EMC3: variants seen among roughly 807,000 people sequenced by gnomAD.
EMC3 encodes ER membrane protein complex subunit 3, also known as 30 kDa protein.
In EMC3, 13 loss-of-function variants were observed where a neutral mutation model predicts 36.6. That is an observed-to-expected ratio of 0.35 (90% confidence interval 0.23 to 0.56). The LOEUF is 0.56. Ranked by LOEUF, EMC3 falls within the 20% of genes least tolerant of loss-of-function variation. The probability of loss-of-function intolerance (pLI) is 0.84; values close to 1 mark genes in which losing one functional copy is unlikely to be tolerated. For synonymous variants in EMC3, 120 were observed against 111.9 expected, an observed-to-expected ratio of 1.07 and a Z score of -0.46; for missense variants, 220 against 324.5, an observed-to-expected ratio of 0.68 and a Z score of 2.47.
chr3:9,964,162 C>T lies in EMC3; in HGVS notation c.693G>A (p.Gln231=). Residue 231 remains glutamine (Q), a synonymous_variant, in exon 8 of 8, where the codon CAG becomes CAA. Transcript: ENST00000245046. ...CTTCTTCGACATCATCTAGTGCCCA[C>T]TGGTGATCCGTCAGCTCCAAAGCTT... is the stretch of plus-strand genomic sequence containing the variant. ...EWEALELTDH[Q]WALDDVEEEL... 6.2e-7 allele frequency: 1 copy of T among 1,614,204 alleles called. No individual in the cohort carries two copies. Among genetic ancestry groups the T allele is most frequent in the African/African-American group, 1.3e-5 (1 of 75,036 alleles).
At chr3:9,981,654 C>T (rs755320574) in intron 1 of EMC3, 1 of 355,642 alleles carries the variant, frequency 2.8e-6, no homozygotes, top group Non-Finnish European at 5.4e-6. Flanking sequence ...AGGTTGGTCT[C>T]AAATTCCTGG....
At chr3:9,971,830 G>C (rs2085788837) in intron 5 of EMC3, among the ~76,000 whole-genome samples, 1 of 152,124 alleles carries the variant, frequency 6.6e-6, no homozygotes, top group Admixed American at 6.6e-5. Flanking sequence ...AAACCAAGTA[G>C]TCAAGATTAC....
chr3:9,981,365 G>GT, intron 1 of EMC3, among the ~76,000 whole-genome samples: 1 of 152,302 alleles, frequency 6.6e-6, no homozygotes, highest in African/African-American at 2.4e-5. Context: ...TAAAAATGAA[G>GT]TTGAGTATTG....
chr3:9,990,173 T>A (rs1161908769), upstream of EMC3, among the ~76,000 whole-genome samples: 1 of 150,422 alleles, frequency 6.6e-6, no homozygotes, highest in Non-Finnish European at 1.5e-5. Context: ...TACAGGCGCC[T>A]GCCACCACGC....
chr3:9,998,484 C>T (rs7618628), intron 1 of EMC3, among the ~76,000 whole-genome samples: 33,885 of 150,512 alleles, frequency 0.23, 4,426 homozygotes, highest in African/African-American at 0.36. Flanking sequence ...GGCTGCAGTG[C>T]AGTGGCGTGA....
intron 1 of EMC3, chr3:10,002,873 G>A (rs1559359707): frequency 2.3e-6 from 1 of 441,642 alleles, no homozygotes; most frequent in South Asian, 1.6e-5. Flanking sequence ...GCTCAACAAG[G>A]CCCCCAGCAT....
upstream of EMC3, chr3:9,988,718 GA>G: frequency 6.6e-7 from 1 of 1,521,494 alleles, no homozygotes; most frequent in Non-Finnish European, 9.0e-7. Flanking sequence ...TCAGGCAATT[GA>G]AAACACTGCC....
chr3:9,991,441 A>G (rs1238318491), upstream of EMC3, among the ~76,000 whole-genome samples: 6 of 152,210 alleles, frequency 3.9e-5, no homozygotes, highest in Non-Finnish European at 8.8e-5. Flanking sequence ...AAGTACAGGT[A>G]TACTCTTATG....
At chr3:9,970,082 C>T (rs1241790812) in intron 6 of EMC3, among the ~76,000 whole-genome samples, 2 of 152,240 alleles carry the variant, frequency 1.3e-5, no homozygotes, top group African/African-American at 4.8e-5. Context: ...ATGCCAAGTA[C>T]TTCACTAAGT....
intron 1 of EMC3, among the ~76,000 whole-genome samples, chr3:9,982,403 C>G (rs1396118244): frequency 6.6e-6 from 1 of 151,878 alleles, no homozygotes; most frequent in Non-Finnish European, 1.5e-5. Flanking sequence ...ACAGGCGCGT[C>G]CCACCATGCT....
intron 4 of EMC3, among the ~76,000 whole-genome samples, chr3:9,974,071 C>T (rs2085818424): frequency 6.6e-6 from 1 of 152,188 alleles, no homozygotes; most frequent in South Asian, 2.1e-4. Flanking sequence ...AAACAGAAAA[C>T]TCACCCTAAC....
rs1553602260 is a variant in EMC3 at position 9,963,478 on chromosome 3, T to TATATATATATATATA, written c.*590_*591insTATATATATATATAT. On this transcript the variant is annotated 3_prime_UTR_variant, in exon 8 of 8. Coordinates refer to ENST00000245046, the MANE Select transcript of EMC3 (RefSeq NM_001394674.1). ...AGATATATATATATATATATATATA[T>TATATATATATATATA]TTTTTTTTTTTTTTCAGATGGAGTT... 5.8e-5 allele frequency: 2 copies of TATATATATATATATA among 34,536 alleles called. No homozygotes were observed. Among genetic ancestry groups the TATATATATATATATA allele is most frequent in the African/African-American group, 2.1e-4 (2 of 9,596 alleles). 2.1% of individuals were successfully genotyped at this position (34,536 alleles called of 1,614,324 possible).
rs1375621698 is a variant in EMC3, at chr3:9,976,894, C to A, written c.307+63G>T. 9 of 1,186,784 alleles carry A rather than the reference C, an allele frequency of 7.6e-6. No individual in the cohort carries two copies. In the African/African-American group the frequency reaches 1.1e-4, roughly 14 times the overall value. The allele number at this position is 1,186,784 out of a possible 1,614,324, so 73.5% of individuals were successfully genotyped here. A position where few individuals can be genotyped will look rare whatever the true frequency, so the allele number is the denominator to read the frequency against. ...AAAATGACACCCTCCCTGCCTACCC[C>A]ACCCCACTCAAATACCCATGTTAAA... On this transcript the variant is annotated intron_variant, in intron 3 of 7. Transcript: ENST00000245046.
intron 4 of EMC3, 97 bp downstream of exon 4, chr3:9,974,287 C>T: frequency 1.2e-6 from 1 of 813,536 alleles, no homozygotes; most frequent in Admixed American, 2.3e-5. Flanking sequence ...GGACTATTAT[C>T]AGTTTACAAA....
chr3:9,973,234 G>A (rs567989113), intron 5 of EMC3, among the ~76,000 whole-genome samples: 5 of 150,290 alleles, frequency 3.3e-5, no homozygotes, highest in Non-Finnish European at 7.4e-5. Flanking sequence ...TCGCTCTGTC[G>A]CCCAGGCTGG....
chr3:9,974,384 T>C lies in EMC3; in HGVS notation c.412A>G (p.Thr138Ala), dbSNP rs1348645459. Residue 138 changes from threonine to alanine, a missense_variant and splice_region_variant, in exon 4 of 8, where the codon ACC (threonine) becomes GCC (alanine). Coordinates refer to ENST00000245046, the MANE Select transcript of EMC3 (RefSeq NM_001394674.1). ...GAAGTCGGCTGGGTCTGTAACTTAC[T>C]TGTGACAAAGCCTGAGAATGTCATG... ...INMTFSGFVT[T>A]KVPFPLTLRF... is the part of the protein sequence containing the mutation. 6.2e-7 allele frequency: 1 copy of C among 1,609,494 alleles called. No individual in the cohort carries two copies. The highest frequency in any genetic ancestry group is 2.2e-5 in the East Asian group (1 of 44,850).
chr3:9,965,519 T>A (rs1196427108), intron 7 of EMC3, among the ~76,000 whole-genome samples: 1 of 152,200 alleles, frequency 6.6e-6, no homozygotes, highest in African/African-American at 2.4e-5. Flanking sequence ...TTTTCAGATA[T>A]AATTTACATG....
At chr3:10,000,068 T>G (rs1431531963) in intron 1 of EMC3, among the ~76,000 whole-genome samples, 1 of 152,126 alleles carries the variant, frequency 6.6e-6, no homozygotes, top group African/African-American at 2.4e-5. Context: ...GATGGAGTCT[T>G]GCTTAGTCAT....
At chr3:10,002,981 C>T in intron 1 of EMC3, 1 of 456,176 alleles carries the variant, frequency 2.2e-6, no homozygotes, top group South Asian at 1.5e-5. Context: ...CAGCCTGTGG[C>T]CTTCTTCTCC....
Sources: gnomAD v4.1 joint callset for allele counts (sites outside exome capture counted in the v4.1 genomes callset) on GRCh38, gnomAD v4.1.1 for gene constraint, MANE v1.5 for transcripts, NCBI Gene and HGNC (gene_info 2026-07-23, HGNC 2026-07-21) for gene names.